SYT1: variants seen among roughly 807,000 people sequenced by gnomAD.
SYT1 encodes the protein synaptotagmin-1.
SYT1 carries 8 observed loss-of-function variants against 44.8 expected under a neutral mutation model. The ratio of observed to expected loss-of-function variants is 0.18; its 90% CI spans 0.10 to 0.32. The LOEUF is 0.32. SYT1 is among the 10% of genes least tolerant of loss of function. The probability of loss-of-function intolerance (pLI) is 1.00; values close to 1 mark genes in which losing one functional copy is unlikely to be tolerated. For synonymous variants in SYT1, 154 were observed against 188.8 expected (o/e 0.82, Z 1.51); for missense variants, 286 against 509.3 (o/e 0.56, Z 4.22).
At chr12:79,053,507 T>A (rs1874688707) in intron 3 of SYT1, among the ~76,000 whole-genome samples, 1 of 150,916 alleles carries the variant, frequency 6.6e-6, no homozygotes, top group Admixed American at 6.6e-5. Flanking sequence ...TAAAGTACAA[T>A]AATAATAAAA....
At chr12:78,911,504 A>T (rs528658479) in intron 1 of SYT1, among the ~76,000 whole-genome samples, 1 of 138,722 alleles carries the variant, frequency 7.2e-6, no homozygotes, top group South Asian at 2.3e-4. Context: ...GACTAAAATA[A>T]GGCAAATATG....
intron 9 of SYT1, among the ~76,000 whole-genome samples, chr12:79,367,673 T>C (rs1417404320): frequency 1.3e-5 from 2 of 152,032 alleles, no homozygotes; most frequent in African/African-American, 4.8e-5. Flanking sequence ...TGTGCCCATC[T>C]TGGCATTTCA....
At chr12:79,180,486 T>C (rs938875432) in intron 3 of SYT1, among the ~76,000 whole-genome samples, 2 of 19,460 alleles carry the variant, frequency 1.0e-4, no homozygotes, top group Admixed American at 1.4e-3. Flanking sequence ...CTTTTTTTTT[T>C]TTAAAAAAAG....
At chr12:79,381,056 G>A (rs979790168) in intron 9 of SYT1, among the ~76,000 whole-genome samples, 2 of 152,038 alleles carry the variant, frequency 1.3e-5, no homozygotes, top group African/African-American at 4.8e-5. Flanking sequence ...TTGCAGATAG[G>A]GCTTAGAGAC....
chr12:79,431,692 T>C (rs1037009585), intron 9 of SYT1, among the ~76,000 whole-genome samples: 1 of 151,926 alleles, frequency 6.6e-6, no homozygotes, highest in Non-Finnish European at 1.5e-5. Context: ...TACAGGCATG[T>C]GCCACCACAC....
chr12:79,013,798 G>A (rs1418529615), intron 2 of SYT1, among the ~76,000 whole-genome samples: 1 of 152,140 alleles, frequency 6.6e-6, no homozygotes. Flanking sequence ...CTTCATGTAA[G>A]ACCAAGATTC....
intron 3 of SYT1, among the ~76,000 whole-genome samples, chr12:79,084,704 C>T (rs1286151064): frequency 6.6e-6 from 1 of 151,944 alleles, no homozygotes; most frequent in East Asian, 1.9e-4. Flanking sequence ...AACTTTGATA[C>T]CAGTGTAATA....
intron 1 of SYT1, among the ~76,000 whole-genome samples, chr12:78,891,060 T>A (rs1179009311): frequency 1.3e-5 from 2 of 152,040 alleles, no homozygotes; most frequent in African/African-American, 4.8e-5. Flanking sequence ...TATTCTTGGG[T>A]CAGATATAAG....
At chr12:79,413,076 T>A (rs947532421) in intron 9 of SYT1, among the ~76,000 whole-genome samples, 1 of 152,164 alleles carries the variant, frequency 6.6e-6, no homozygotes, top group Non-Finnish European at 1.5e-5. Context: ...GTTCTGAAGA[T>A]AAGTCATGTA....
At chr12:79,263,026 A>G (rs1442903567) in intron 4 of SYT1, among the ~76,000 whole-genome samples, 1 of 152,208 alleles carries the variant, frequency 6.6e-6, no homozygotes, top group African/African-American at 2.4e-5. Flanking sequence ...TATTAGCATA[A>G]ACATATGGTC....
intron 8 of SYT1, among the ~76,000 whole-genome samples, chr12:79,308,378 G>A (rs1324169765): frequency 1.3e-5 from 2 of 152,012 alleles, no homozygotes; most frequent in African/African-American, 4.8e-5. Flanking sequence ...TACAAAATTA[G>A]CCCGGTGTTG....
At chr12:79,250,786 C>T (rs940846810) in intron 4 of SYT1, among the ~76,000 whole-genome samples, 4 of 152,284 alleles carry the variant, frequency 2.6e-5, no homozygotes, top group Admixed American at 6.5e-5. Flanking sequence ...GCCACCTACC[C>T]TGGCTTCCAC....
chr12:79,325,609 G>T (rs542624559), intron 8 of SYT1, among the ~76,000 whole-genome samples: 2 of 152,080 alleles, frequency 1.3e-5, no homozygotes, highest in African/African-American at 2.4e-5. Flanking sequence ...ACAGAGAAAG[G>T]TTTGCCCATT....
At chr12:79,238,027 AAAG>A (rs1876287752) in intron 4 of SYT1, among the ~76,000 whole-genome samples, 1 of 152,220 alleles carries the variant, frequency 6.6e-6, no homozygotes, top group Non-Finnish European at 1.5e-5. Flanking sequence ...GCCTTGAACC[AAAG>A]AAGGATTTGC....
intron 2 of SYT1, among the ~76,000 whole-genome samples, chr12:78,982,001 T>C (rs192543449): frequency 1.3e-5 from 2 of 152,280 alleles, no homozygotes; most frequent in East Asian, 3.9e-4. Flanking sequence ...GTATCTGTCT[T>C]GTTCCTCTAT....
chr12:79,308,553 A>C (rs1288943785), intron 8 of SYT1, among the ~76,000 whole-genome samples: 1 of 150,782 alleles, frequency 6.6e-6, no homozygotes, highest in Non-Finnish European at 1.5e-5. Context: ...AGAAAGAAAA[A>C]AGAAAGAAAG....
chr12:79,299,643 G>C, intron 8 of SYT1, 92 bp downstream of exon 8: 2 of 1,464,476 alleles, frequency 1.4e-6, no homozygotes, highest in Non-Finnish European at 1.8e-6. Flanking sequence ...CTTTACAAAG[G>C]GGGATGTGGG....
At chr12:78,975,099 C>T (rs1484094025) in intron 1 of SYT1, among the ~76,000 whole-genome samples, 1 of 150,762 alleles carries the variant, frequency 6.6e-6, no homozygotes, top group Non-Finnish European at 1.5e-5. Flanking sequence ...CCACCCCCAC[C>T]TCCCTGATCC....
At chr12:79,027,400 A>T (rs1190993212) in intron 2 of SYT1, among the ~76,000 whole-genome samples, 1 of 151,560 alleles carries the variant, frequency 6.6e-6, no homozygotes, top group African/African-American at 2.4e-5. Context: ...GGACTTCATC[A>T]TATTTAACAC....
Sources: gnomAD v4.1 joint callset for allele counts (sites outside exome capture counted in the v4.1 genomes callset) on GRCh38, gnomAD v4.1.1 for gene constraint, MANE v1.5 for transcripts, NCBI Gene and HGNC (gene_info 2026-07-23, HGNC 2026-07-21) for gene names.